Variants in MBNL1 observed in about 807,000 individuals in gnomAD.
MBNL1 encodes muscleblind like splicing regulator 1.
A neutral mutation model predicts 42.2 loss-of-function variants in MBNL1; 8 were observed. The observed-to-expected ratio is 0.19, with a 90% confidence interval of 0.11 to 0.34. MBNL1 has a LOEUF of 0.34. Ranked by LOEUF, MBNL1 falls within the 10% of genes least tolerant of loss-of-function variation. MBNL1 has a pLI of 1.00. For synonymous variants in MBNL1, 169 were observed against 173.9 expected, an observed-to-expected ratio of 0.97 and a Z score of 0.22; for missense variants, 309 against 495.3, an observed-to-expected ratio of 0.62 and a Z score of 3.57.
intron 3 of MBNL1, among the ~76,000 whole-genome samples, chr3:152,423,930 A>C (rs2098847220): frequency 6.6e-6 from 1 of 152,228 alleles, no homozygotes; most frequent in East Asian, 1.9e-4. Flanking sequence ...AATGTATCTC[A>C]AAATAATAAG....
Position 152,463,889 on chromosome 3 carries a change from C to A in MBNL1, c.*1523C>A, listed in dbSNP as rs1186889409. ...AGTGAAAGTTCAGTTATAGAACTTTCCATACTTCCAAGTTTACTGCAAGTT... is the reference window on the plus strand; with the variant it reads ...AGTGAAAGTTCAGTTATAGAACTTTACATACTTCCAAGTTTACTGCAAGTT... On this transcript the variant is annotated 3_prime_UTR_variant, in exon 10 of 10. Coordinates refer to ENST00000324210, the MANE Select transcript of MBNL1 (RefSeq NM_021038.5). The A allele has an allele frequency of 6.6e-6, 1 of 152,428 alleles. No homozygotes were observed. The highest frequency in any genetic ancestry group is 1.5e-5 in the Non-Finnish European group (1 of 67,930). The allele number at this position is 152,428 out of a possible 1,614,324, so 9.4% of individuals were successfully genotyped here. A position where few individuals can be genotyped will look rare whatever the true frequency, so the allele number is the denominator to read the frequency against.
chr3:152,383,716 T>G (rs1383996606), intron 2 of MBNL1, among the ~76,000 whole-genome samples: 1 of 152,126 alleles, frequency 6.6e-6, no homozygotes, highest in African/African-American at 2.4e-5. Flanking sequence ...CTTTTCAGAA[T>G]GGACATGTTA....
chr3:152,277,487 T>G (rs2045929822), intron 1 of MBNL1, among the ~76,000 whole-genome samples: 1 of 152,118 alleles, frequency 6.6e-6, no homozygotes, highest in African/African-American at 2.4e-5. Flanking sequence ...TTAGGGAAGG[T>G]ATCAGTATAA....
intron 2 of MBNL1, chr3:152,301,056 G>A (rs896197077): frequency 1.2e-5 from 3 of 253,792 alleles, no homozygotes; most frequent in African/African-American, 4.6e-5. Context: ...ATGTGAATTA[G>A]CAGTTTATTT....
intron 4 of MBNL1, among the ~76,000 whole-genome samples, chr3:152,439,929 G>A (rs2099124755): frequency 6.6e-6 from 1 of 152,188 alleles, no homozygotes; most frequent in South Asian, 2.1e-4. Context: ...TTGTTTCAAA[G>A]TTGTGTCTAT....
intron 2 of MBNL1, among the ~76,000 whole-genome samples, chr3:152,367,929 G>C (rs950647806): frequency 2.6e-5 from 4 of 151,544 alleles, no homozygotes; most frequent in African/African-American, 7.3e-5. Context: ...TCAGCCCTTT[G>C]TCAAATGGAT....
chr3:152,268,875 A>G, upstream of MBNL1: 1 of 453,798 alleles, frequency 2.2e-6, no homozygotes, highest in South Asian at 1.6e-5. Flanking sequence ...GGGGCCGCGC[A>G]GCAGCAGCGG....
chr3:152,459,767 G>A (rs191407652), intron 9 of MBNL1, among the ~76,000 whole-genome samples: 2 of 152,054 alleles, frequency 1.3e-5, no homozygotes, highest in African/African-American at 4.8e-5. Context: ...AAACAAATGG[G>A]TGTAGCTGTG....
At chr3:152,325,222 A>G (rs2079039306) in intron 2 of MBNL1, among the ~76,000 whole-genome samples, 1 of 151,494 alleles carries the variant, frequency 6.6e-6, no homozygotes, top group Admixed American at 6.6e-5. Context: ...TCCCTCCTCT[A>G]GAAAGCTTCT....
chr3:152,305,414 A>G (rs1268058003), intron 2 of MBNL1, among the ~76,000 whole-genome samples: 4 of 152,170 alleles, frequency 2.6e-5, no homozygotes, highest in Admixed American at 6.6e-5. Context: ...ATGCTGAGCA[A>G]TGTCTCTGCC....
chr3:152,447,024 G>A (rs1207255011), intron 5 of MBNL1, among the ~76,000 whole-genome samples: 4 of 152,004 alleles, frequency 2.6e-5, no homozygotes, highest in Non-Finnish European at 5.9e-5. Context: ...AGAAATAGTC[G>A]GAGGACATAA....
chr3:152,277,529 C>T (rs1165477275), intron 1 of MBNL1, among the ~76,000 whole-genome samples: 1 of 152,038 alleles, frequency 6.6e-6, no homozygotes, highest in Admixed American at 6.6e-5. Context: ...AACTAAAAAT[C>T]CTTAATAATC....
intron 2 of MBNL1, among the ~76,000 whole-genome samples, chr3:152,407,614 A>G (rs1339609884): frequency 6.6e-6 from 1 of 152,176 alleles, no homozygotes; most frequent in Non-Finnish European, 1.5e-5. Flanking sequence ...ACAGACAATT[A>G]TGTAATAAAA....
At chr3:152,255,939 G>A (rs1208149835) in intron 2 of MBNL1, among the ~76,000 whole-genome samples, 4 of 152,152 alleles carry the variant, frequency 2.6e-5, no homozygotes. Context: ...AAAAGAGCCT[G>A]GGTCTCAAAG....
chr3:152,431,152 G>A (rs766165484), intron 3 of MBNL1, among the ~76,000 whole-genome samples: 13 of 152,084 alleles, frequency 8.5e-5, no homozygotes, highest in Admixed American at 1.3e-4. Context: ...ATTGACTTTT[G>A]GGGCTGGATA....
At chr3:152,420,337 A>C (rs2098783218) in intron 3 of MBNL1, among the ~76,000 whole-genome samples, 1 of 152,160 alleles carries the variant, frequency 6.6e-6, no homozygotes, top group Non-Finnish European at 1.5e-5. Flanking sequence ...ACCTCCCAGC[A>C]GGGATCGAAA....
intron 2 of MBNL1, among the ~76,000 whole-genome samples, chr3:152,391,411 C>A (rs2097711304): frequency 6.6e-6 from 1 of 152,210 alleles, no homozygotes; most frequent in Non-Finnish European, 1.5e-5. Flanking sequence ...CACTACCTTT[C>A]AAATTTATGA....
intron 2 of MBNL1, among the ~76,000 whole-genome samples, chr3:152,327,127 C>T (rs565135180): frequency 1.3e-5 from 2 of 151,768 alleles, no homozygotes; most frequent in African/African-American, 4.8e-5. Flanking sequence ...ATTTGAATTG[C>T]TTCTCCTAAT....
intron 1 of MBNL1, among the ~76,000 whole-genome samples, chr3:152,287,692 A>G (rs975719678): frequency 1.1e-4 from 16 of 152,186 alleles, no homozygotes; most frequent in African/African-American, 3.9e-4. Context: ...TGTTGCCGTT[A>G]ATAAACAATT....
Sources: allele counts gnomAD v4.1 joint callset (sites outside exome capture counted in the v4.1 genomes callset), GRCh38; gene constraint gnomAD v4.1.1; transcripts MANE v1.5; gene names NCBI Gene and HGNC (gene_info 2026-07-23, HGNC 2026-07-21).